Variants in RNF141 observed in about 807,000 individuals in gnomAD.
The protein encoded by RNF141 is ring finger protein 141.
RNF141 carries 18 observed loss-of-function variants against 27.4 expected under a neutral mutation model. The ratio of observed to expected loss-of-function variants is 0.66; its 90% CI spans 0.45 to 0.97. RNF141 has a LOEUF of 0.97. RNF141 is among the 50% of genes least tolerant of loss of function. The pLI, the probability that RNF141 is intolerant of heterozygous loss-of-function variation, is 0.00. For missense variants in RNF141, 230 were observed against 279.4 expected (o/e 0.82, Z 1.26); for synonymous variants, 97 against 96.6 (o/e 1.00, Z -0.02).
chr11:10,522,446 GT>G (rs1243593130), intron 4 of RNF141, among the ~76,000 whole-genome samples: 1 of 152,220 alleles, frequency 6.6e-6, no homozygotes, highest in East Asian at 1.9e-4. Context: ...GTCTTGTGCT[GT>G]TTGTTCCTGT....
At position 10,512,247 on chromosome 11, in the gene RNF141, TA is replaced by T. The variant is rs1849806612; in HGVS notation, c.*2668del. On this transcript the variant is annotated 3_prime_UTR_variant, in exon 6 of 6. Coordinates refer to ENST00000265981, the MANE Select transcript of RNF141 (RefSeq NM_016422.4). ...TACAAAAAGTGTACATTTCATCCAT[TA>T]AACAAATTTACAACTTTTACGATTA... 1 of 152,654 alleles carries T rather than the reference TA, an allele frequency of 6.6e-6. No homozygotes were observed. The highest frequency in any genetic ancestry group is 2.4e-5 in the African/African-American group (1 of 41,462). 9.5% of individuals were successfully genotyped at this position (152,654 alleles called of 1,614,324 possible).
intron 2 of RNF141, among the ~76,000 whole-genome samples, chr11:10,532,237 C>A (rs1167169884): frequency 1.3e-5 from 2 of 151,906 alleles, no homozygotes; most frequent in African/African-American, 4.8e-5. Context: ...CAAAGCATTC[C>A]ACTCTTATGT....
At chr11:10,522,802 TTA>T (rs1849898404) in intron 4 of RNF141, among the ~76,000 whole-genome samples, 1 of 152,218 alleles carries the variant, frequency 6.6e-6, no homozygotes, top group African/African-American at 2.4e-5. Context: ...TCTGAGCATC[TTA>T]TGTCTTTTAA....
At position 10,532,537 on chromosome 11, in the gene RNF141, A is replaced by C. The variant is rs7129207; in HGVS notation, c.143+1479T>G. 5.6e-3 allele frequency among the ~76,000 whole-genome samples: 535 copies of C among 95,060 alleles called. 5 individuals carry two copies. The highest frequency in any genetic ancestry group is 0.028 in the East Asian group (107 of 3,876). The allele number at this position is 95,060 out of a possible 152,430, so 62.4% of individuals were successfully genotyped here. ...CACACACACACACACACACACACAC[A>C]CCCCACAACTATATACAGCTTTTTG... On this transcript the variant is annotated intron_variant, in intron 2 of 5. Coordinates refer to ENST00000265981, the MANE Select transcript of RNF141 (RefSeq NM_016422.4).
chr11:10,530,798 A>C, intron 2 of RNF141, 47 bp from the exon 3 acceptor site: 1 of 1,127,594 alleles, frequency 8.9e-7, no homozygotes, highest in East Asian at 2.6e-5. Flanking sequence ...ATCATATATT[A>C]ATAAAATAAT....
At chr11:10,523,840 A>C (rs1367868844) in intron 4 of RNF141, among the ~76,000 whole-genome samples, 1 of 152,242 alleles carries the variant, frequency 6.6e-6, no homozygotes, top group African/African-American at 2.4e-5. Context: ...ACAAAACAAC[A>C]ACCACTATTC....
At chr11:10,519,609 C>T (rs930635340) in intron 4 of RNF141, among the ~76,000 whole-genome samples, 5 of 137,726 alleles carry the variant, frequency 3.6e-5, no homozygotes, top group African/African-American at 1.0e-4. Context: ...CATACCTAGG[C>T]TATATGGCAT....
intron 2 of RNF141, among the ~76,000 whole-genome samples, chr11:10,533,559 G>A (rs1591500933): frequency 6.6e-6 from 1 of 150,922 alleles, no homozygotes; most frequent in African/African-American, 2.4e-5. Flanking sequence ...ATATATGCAT[G>A]TGTGTGTCTA....
rs575039039 is a variant in RNF141, at chr11:10,523,338, G to C, written c.434+1854C>G. Among the ~76,000 whole-genome samples the C allele has an allele frequency of 3.3e-5, 5 of 152,326 alleles. No homozygotes were observed. The East Asian group carries it at 9.6e-4, about 29-fold the overall frequency. On this transcript the variant is annotated intron_variant, in intron 4 of 5. Transcript: ENST00000265981. ...CCAGACAGGCCTGAATGTGAGTCTT[G>C]GCTAGAACAATTTCTAATCATGACA... is the stretch of plus-strand genomic sequence containing the variant.
rs539973650 is a variant in RNF141 at position 10,512,639 on chromosome 11, T to C, written c.*2277A>G. ...TCTAATCTAAAAGGACAATTTAAAA[T>C]CTTAGAGCTGGAAAAGATTTCAGTG... On this transcript the variant is annotated 3_prime_UTR_variant, in exon 6 of 6. Transcript: ENST00000265981. 6.6e-6 allele frequency: 1 copy of C among 152,340 alleles called. No individual in the cohort carries two copies. The highest frequency in any genetic ancestry group is 1.5e-5 in the Non-Finnish European group (1 of 68,018). 9.4% of individuals were successfully genotyped at this position (152,340 alleles called of 1,614,324 possible). A position where few individuals can be genotyped will look rare whatever the true frequency, so the allele number is the denominator to read the frequency against.
intron 3 of RNF141, among the ~76,000 whole-genome samples, chr11:10,526,785 A>C (rs1849939843): frequency 6.6e-6 from 1 of 151,982 alleles, no homozygotes; most frequent in Non-Finnish European, 1.5e-5. Context: ...ACGTCTCAAA[A>C]AAAAAAAAAA....
At chr11:10,521,039 G>A (rs1321566599) in intron 4 of RNF141, among the ~76,000 whole-genome samples, 1 of 152,180 alleles carries the variant, frequency 6.6e-6, no homozygotes, top group Non-Finnish European at 1.5e-5. Flanking sequence ...GAGATACAAA[G>A]GGAATAAAAA....
At chr11:10,539,896 C>T (rs1850078622) in intron 1 of RNF141, among the ~76,000 whole-genome samples, 1 of 150,982 alleles carries the variant, frequency 6.6e-6, no homozygotes, top group Non-Finnish European at 1.5e-5. Flanking sequence ...AGATGGGAAC[C>T]AAGAAGGATC....
chr11:10,520,613 T>A (rs971462379), intron 4 of RNF141, among the ~76,000 whole-genome samples: 6 of 152,188 alleles, frequency 3.9e-5, no homozygotes, highest in Non-Finnish European at 7.3e-5. Flanking sequence ...CTAAAATGAT[T>A]AAAAAGTATA....
chr11:10,515,446 T>G (rs1849835736), intron 5 of RNF141: 1 of 158,962 alleles, frequency 6.3e-6, no homozygotes, highest in Non-Finnish European at 1.4e-5. Context: ...ACTAGTCTCC[T>G]GCAGAAGGAC....
chr11:10,539,687 C>CATATATATATATATATAT lies in RNF141; in HGVS notation c.-48+1434_-48+1435insATATATATATATATATAT, dbSNP rs1330301830. ...CAAAGATCTTGATCAGAAAAAGATA[C>CATATATATATATATATAT]ATACATATATATTAGAGAGAGAAGG... On this transcript the variant is annotated intron_variant, in intron 1 of 5. Transcript: ENST00000265981. 2.0e-4 allele frequency among the ~76,000 whole-genome samples: 10 copies of CATATATATATATATATAT among 50,876 alleles called. 1 individual carries two copies. The highest frequency in any genetic ancestry group is 2.7e-4 in the Non-Finnish European group (7 of 26,312). The allele number at this position is 50,876 out of a possible 152,430, so 33.4% of individuals were successfully genotyped here. A position where few individuals can be genotyped will look rare whatever the true frequency, so the allele number is the denominator to read the frequency against.
chr11:10,530,495 T>C, intron 3 of RNF141, 148 bp downstream of exon 3: 3 of 435,084 alleles, frequency 6.9e-6, no homozygotes, highest in Non-Finnish European at 1.2e-5. Context: ...AACAGCTAGT[T>C]AGAAGGCAAT....
Position 10,514,990 on chromosome 11 carries a change from C to T in RNF141, c.619G>A (p.Ala207Thr). The change falls in exon 6 of 6, where the codon GCA becomes ACA. Residue 207 changes from alanine to threonine, a missense_variant. Coordinates refer to ENST00000265981, the MANE Select transcript of RNF141 (RefSeq NM_016422.4). ...GANESWVVSD[A>T]PTEDDMANYI... ...TTAGCCATATCATCTTCAGTGGGTG[C>T]ATCTGATACCACCCAAGATTCATTT... 6.2e-7 allele frequency: 1 copy of T among 1,613,802 alleles called. No individual in the cohort carries two copies. The highest frequency in any genetic ancestry group is 8.5e-7 in the Non-Finnish European group (1 of 1,179,758).
At position 10,530,647 on chromosome 11, in the gene RNF141, G is replaced by A. The variant is rs1414997459; in HGVS notation, c.248C>T (p.Thr83Ile). 6.3e-7 allele frequency: 1 copy of A among 1,596,248 alleles called. No individual in the cohort carries two copies. The highest frequency in any genetic ancestry group is 1.1e-5 in the South Asian group (1 of 89,948). Residue 83 changes from threonine (T) to isoleucine (I), a missense_variant, in exon 3 of 6, where the codon ACC (threonine) becomes ATC (isoleucine). By Grantham distance (89) the Thr-to-Ile change is moderately conservative. Transcript: ENST00000265981. ...AGAAGTCTCCATCAGTCTCACCTTG[G>A]TACAGACCACCCGTACAACCACTTT... Reference protein sequence around the residue: ...FWKVVVRVVCTKINKSSGIVE... With the variant: ...FWKVVVRVVCIKINKSSGIVE...
Sources: allele counts gnomAD v4.1 joint callset (sites outside exome capture counted in the v4.1 genomes callset), GRCh38; gene constraint gnomAD v4.1.1; transcripts MANE v1.5; gene names NCBI Gene and HGNC (gene_info 2026-07-23, HGNC 2026-07-21).